The following CFLAR variants were observed in gnomAD, a reference collection of about 807,000 sequenced individuals.
CFLAR encodes the protein CASP8 and FADD like apoptosis regulator.
A neutral mutation model predicts 51.1 loss-of-function variants in CFLAR; 14 were observed. The ratio of observed to expected loss-of-function variants is 0.27; its 90% CI spans 0.18 to 0.43. The LOEUF (loss-of-function observed/expected upper bound fraction) is 0.43. Among genes scored for constraint, CFLAR ranks in the 20% least tolerant of loss-of-function variants. The pLI is 1.00. For missense variants in CFLAR, 390 were observed against 566.5 expected, an observed-to-expected ratio of 0.69 and a Z score of 3.16; for synonymous variants, 210 against 211.6, an observed-to-expected ratio of 0.99 and a Z score of 0.06.
rs1943437411 is a variant in CFLAR, at chr2:201,165,379, T to C, written c.*1406T>C. 6.6e-6 allele frequency: 1 copy of C among 151,644 alleles called. No homozygotes were observed. Among genetic ancestry groups the C allele is most frequent in the African/African-American group, 2.4e-5 (1 of 41,316 alleles). The allele number at this position is 151,644 out of a possible 1,614,324, so 9.4% of individuals were successfully genotyped here. On this transcript the variant is annotated 3_prime_UTR_variant, in exon 10 of 10. Coordinates refer to ENST00000309955, the MANE Select transcript of CFLAR (RefSeq NM_003879.7). ...TCTGCCTTCTGGGTTCAAGCGATTCTCCTGCCTCAGCCTCCCGAGTAGCTG... is the reference window on the plus strand; with the variant it reads ...TCTGCCTTCTGGGTTCAAGCGATTCCCCTGCCTCAGCCTCCCGAGTAGCTG...
At chr2:201,144,111 A>T (rs1256940781) in intron 5 of CFLAR, 3 of 152,218 alleles carry the variant, frequency 2.0e-5, no homozygotes, top group African/African-American at 7.2e-5. Flanking sequence ...TAAGTTACTA[A>T]TTATTAGTGA....
In CFLAR at chr2:201,138,224, G is replaced by A. The variant is rs1375059805; in HGVS notation, c.523+2117G>A. 4.3e-6 allele frequency: 4 copies of A among 938,834 alleles called. No individual in the cohort carries two copies. Among genetic ancestry groups the A allele is most frequent in the South Asian group, 1.3e-5 (1 of 77,814 alleles). The allele number at this position is 938,834 out of a possible 1,614,324, so 58.2% of individuals were successfully genotyped here. ...ATGCACCATGGCGATCTGATACACCGAGTTCCCTTGGGACGAGTCCAAGCC... is the reference window on the plus strand; with the variant it reads ...ATGCACCATGGCGATCTGATACACCAAGTTCCCTTGGGACGAGTCCAAGCC... On this transcript the variant is annotated intron_variant, in intron 4 of 9. Coordinates refer to ENST00000309955, the MANE Select transcript of CFLAR (RefSeq NM_003879.7). This position sits in a 1 kb window ranked among gnomAD's most constrained non-coding sequence, Gnocchi z 4.0.
chr2:201,165,285 T>C lies in CFLAR; in HGVS notation c.*1312T>C, dbSNP rs1303848325. The C allele has an allele frequency of 7.4e-6, 1 of 134,498 alleles. No homozygotes were observed. Among genetic ancestry groups the C allele is most frequent in the Non-Finnish European group, 1.6e-5 (1 of 62,278 alleles). The allele number at this position is 134,498 out of a possible 1,614,324, so 8.3% of individuals were successfully genotyped here. A position where few individuals can be genotyped will look rare whatever the true frequency, so the allele number is the denominator to read the frequency against. On this transcript the variant is annotated 3_prime_UTR_variant, in exon 10 of 10. Coordinates refer to ENST00000309955, the MANE Select transcript of CFLAR (RefSeq NM_003879.7). ...TTATTATTATTATTATTATTATTAT[T>C]ATTGAGACAGAGTTTCATTCTGCTG...
Position 201,141,184 on chromosome 2 carries a change from C to T in CFLAR, c.606+745C>T, listed in dbSNP as rs570287444. On this transcript the variant is annotated intron_variant, in intron 5 of 9. Coordinates refer to ENST00000309955, the MANE Select transcript of CFLAR (RefSeq NM_003879.7). Reference sequence around the variant, plus strand: ...GAAGTGGAGGTTGCAGTAGCCAAATCGCGCCATTGTACTCCAGCCTGGGTG... The same window carrying T: ...GAAGTGGAGGTTGCAGTAGCCAAATTGCGCCATTGTACTCCAGCCTGGGTG... Among the ~76,000 whole-genome samples the T allele has an allele frequency of 3.2e-3, 493 of 152,152 alleles. 1 individual carries two copies. Among genetic ancestry groups the T allele is most frequent in the African/African-American group, 0.011 (463 of 41,512 alleles).
chr2:201,169,593 A>G lies in CFLAR; in HGVS notation c.*5620A>G, dbSNP rs539338765. On this transcript the variant is annotated 3_prime_UTR_variant, in exon 10 of 10. Coordinates refer to ENST00000309955, the MANE Select transcript of CFLAR (RefSeq NM_003879.7). ...ATCAAAAGCAATTGCAACAAAAGCA[A>G]AAATTACAAATGGGATCTAATTAAA... 1 of 152,354 alleles carries G rather than the reference A, an allele frequency of 6.6e-6. No homozygotes were observed. The highest frequency in any genetic ancestry group is 6.5e-5 in the Admixed American group (1 of 15,304). 9.4% of individuals were successfully genotyped at this position (152,354 alleles called of 1,614,324 possible).
Position 201,176,285 on chromosome 2 carries a change from G to GA in CFLAR, c.*12312_*12313insA, listed in dbSNP as rs369577199. 4.9e-5 allele frequency: 6 copies of GA among 121,570 alleles called. No individual in the cohort carries two copies. The highest frequency in any genetic ancestry group is 2.0e-4 in the African/African-American group (6 of 29,560). The allele number at this position is 121,570 out of a possible 1,614,324, so 7.5% of individuals were successfully genotyped here. On this transcript the variant is annotated 3_prime_UTR_variant, in exon 10 of 10. Coordinates refer to ENST00000309955, the MANE Select transcript of CFLAR (RefSeq NM_003879.7). ...CTCAGGTGTTTTCTATTGCGGGGGG[G>GA]GGGGGCGGGCGGGGGAGCTGCCTGT...
rs888975181 is a variant in CFLAR, at chr2:201,163,325, T to C, written c.1305-510T>C. ...GAATGAAGCCACAATGTACCTCAAG[T>C]ATAAGATTAACTGGCCTTTTTCAGT... On this transcript the variant is annotated intron_variant, in intron 9 of 9. Transcript: ENST00000309955. 4.9e-6 allele frequency: 6 copies of C among 1,215,530 alleles called. No individual in the cohort carries two copies. In the African/African-American group the frequency reaches 9.3e-5, roughly 19 times the overall value. 75.3% of individuals were successfully genotyped at this position (1,215,530 alleles called of 1,614,324 possible).
chr2:201,137,531 C>T (rs1386518283), intron 4 of CFLAR: 2 of 667,068 alleles, frequency 3.0e-6, no homozygotes, highest in East Asian at 2.8e-5. Flanking sequence ...ACAGCCACTT[C>T]TCGTAAGAGT....
intron 1 of CFLAR, chr2:201,119,290 G>A (rs2047931451): frequency 6.6e-6 from 1 of 152,152 alleles, no homozygotes; most frequent in Non-Finnish European, 1.5e-5. Context: ...TCTAAACTTG[G>A]TTCTTGTCCC....
At chr2:201,139,776 A>G (rs1258644053) in intron 4 of CFLAR, 1 of 152,610 alleles carries the variant, frequency 6.6e-6, no homozygotes, top group Non-Finnish European at 1.5e-5. Context: ...CCTCTCCGAG[A>G]AACACCTAAA....
intron 4 of CFLAR, chr2:201,140,021 C>A: frequency 6.3e-6 from 2 of 315,936 alleles, no homozygotes; most frequent in South Asian, 2.4e-5. Flanking sequence ...GATAGGTAGT[C>A]CCTCATGCTG....
At chr2:201,162,510 CAG>C (rs1559254457) in intron 9 of CFLAR, 1 of 176,348 alleles carries the variant, frequency 5.7e-6, no homozygotes, top group African/African-American at 2.4e-5. Context: ...ACTGCCAAAG[CAG>C]GGGACAAGGA....
intron 5 of CFLAR, 78 bp from the exon 6 acceptor site, chr2:201,145,300 A>T: frequency 1.3e-6 from 1 of 772,554 alleles, no homozygotes; most frequent in Non-Finnish European, 2.2e-6. Flanking sequence ...TCCTATTGAG[A>T]CATTTAAAGA....
In CFLAR at chr2:201,175,244, G is replaced by A. The variant is rs1944152265; in HGVS notation, c.*11271G>A. 1 of 152,166 alleles carries A rather than the reference G, an allele frequency of 6.6e-6. No homozygotes were observed. The highest frequency in any genetic ancestry group is 2.1e-4 in the South Asian group (1 of 4,822). The allele number at this position is 152,166 out of a possible 1,614,324, so 9.4% of individuals were successfully genotyped here. On this transcript the variant is annotated 3_prime_UTR_variant, in exon 10 of 10. Coordinates refer to ENST00000309955, the MANE Select transcript of CFLAR (RefSeq NM_003879.7). ...AACTTGCTTTCACTTTATTCTGTCA[G>A]CATGCTCTTGAATTCTTTCCTGAAC... is the stretch of plus-strand genomic sequence containing the variant.
chr2:201,140,601 C>A, intron 5 of CFLAR, 162 bp downstream of exon 5: 1 of 560,254 alleles, frequency 1.8e-6, no homozygotes, highest in Admixed American at 3.9e-5. Flanking sequence ...TATTTCAAAG[C>A]TAATACATGT....
At chr2:201,141,713 T>C (rs1311425123) in intron 5 of CFLAR, 3 of 957,182 alleles carry the variant, frequency 3.1e-6, no homozygotes, top group Non-Finnish European at 3.9e-6. Context: ...GTGTATCATA[T>C]AGTCACTTAT....
chr2:201,145,474 TG>T (rs1430636522), intron 6 of CFLAR, 42 bp downstream of exon 6: 1 of 1,244,998 alleles, frequency 8.0e-7, no homozygotes, highest in Non-Finnish European at 1.2e-6. Context: ...TATAAATGCT[TG>T]ATAATTCTAG....
intron 5 of CFLAR, among the ~76,000 whole-genome samples, chr2:201,143,662 T>C (rs540289962): frequency 2.0e-5 from 3 of 151,942 alleles, no homozygotes; most frequent in Middle Eastern, 3.4e-3. Flanking sequence ...CCACAAGATA[T>C]TATAGAATTA....
Position 201,160,550 on chromosome 2 carries a change from C to G in CFLAR, c.912C>G (p.Asp304Glu). 6.2e-7 allele frequency: 1 copy of G among 1,613,766 alleles called. No individual in the cohort carries two copies. Among genetic ancestry groups the G allele is most frequent in the Non-Finnish European group, 8.5e-7 (1 of 1,179,928 alleles). The change falls in exon 9 of 10, where the codon GAC becomes GAG. Residue 304 changes from aspartate (D) to glutamate (E), a missense_variant. Physicochemically the swap from Asp to Glu is conservative, Grantham distance 45. Around this residue, in one of 2 missense-constraint regions of CFLAR, gnomAD observed 287 missense variants for 363.6 expected, o/e 0.79. Coordinates refer to ENST00000309955, the MANE Select transcript of CFLAR (RefSeq NM_003879.7). ...GQFACMPEHR[D>E]YDSFVCVLVS... ...TTGCCTGTATGCCCGAGCACCGAGA[C>G]TACGACAGCTTTGTGTGTGTCCTGG...
Sources: gnomAD v4.1 joint callset for allele counts (sites outside exome capture counted in the v4.1 genomes callset) on GRCh38, gnomAD v4.1.1 for gene constraint, gnomAD v4.1.1 regional missense constraint, Gnocchi (gnomAD v3.1) non-coding constraint, MANE v1.5 for transcripts, NCBI Gene and HGNC (gene_info 2026-07-23, HGNC 2026-07-21) for gene names.